The following KIAA0232 variants were observed in gnomAD, a reference collection of about 807,000 sequenced individuals.
The protein encoded by KIAA0232 is KIAA0232.
A neutral mutation model predicts 122.0 loss-of-function variants in KIAA0232; 27 were observed. That is an observed-to-expected ratio of 0.22 (90% CI 0.16 to 0.31). KIAA0232 has a LOEUF of 0.31. KIAA0232 is among the 10% of genes least tolerant of loss of function. KIAA0232 has a pLI of 1.00. For missense variants in KIAA0232, 1,551 were observed against 1,634.2 expected (o/e 0.95, Z 0.88); for synonymous variants, 613 against 587.6 (o/e 1.04, Z -0.63).
At chr4:6,865,460 C>T (rs553355188) in intron 7 of KIAA0232, among the ~76,000 whole-genome samples, 16 of 152,128 alleles carry the variant, frequency 1.1e-4, no homozygotes, top group East Asian at 1.9e-4. Flanking sequence ...CCACCACGCC[C>T]GGCTAATTAT....
At chr4:6,786,195 A>T (rs1264814830) in intron 1 of KIAA0232, among the ~76,000 whole-genome samples, 2 of 152,230 alleles carry the variant, frequency 1.3e-5, no homozygotes, top group Non-Finnish European at 2.9e-5. Context: ...TAAGTGTTTA[A>T]ATGTTTGCTA....
chr4:6,847,860 C>CT (rs1720050728), intron 4 of KIAA0232, among the ~76,000 whole-genome samples: 1 of 51,030 alleles, frequency 2.0e-5, no homozygotes, highest in Non-Finnish European at 7.6e-5. Context: ...TCATTTCCCC[C>CT]TTAAAAAAAA....
At position 6,862,590 on chromosome 4, in the gene KIAA0232, G is replaced by A; in HGVS notation, c.2208G>A (p.Gln736=). Residue 736 remains glutamine, a synonymous_variant, in exon 7 of 10, where the codon CAG becomes CAA. Coordinates refer to ENST00000307659, the MANE Select transcript of KIAA0232 (RefSeq NM_014743.3). ...ATATTCAGTTTGAAGAATCCACACA[G>A]TTTAATGCCGAAGATATTAATTATG... ...TLNIQFEEST[Q]FNAEDINYVV... is the part of the protein sequence containing the mutation. 1 of 1,613,924 alleles carries A rather than the reference G, an allele frequency of 6.2e-7. No homozygotes were observed. The highest frequency in any genetic ancestry group is 8.5e-7 in the Non-Finnish European group (1 of 1,179,974).
chr4:6,834,886 GA>G (rs1719180314), intron 3 of KIAA0232, among the ~76,000 whole-genome samples: 1 of 152,148 alleles, frequency 6.6e-6, no homozygotes, highest in Non-Finnish European at 1.5e-5. Flanking sequence ...TAGCACAAAA[GA>G]AATACTTTTA....
At chr4:6,788,577 T>C (rs1716739392) in intron 1 of KIAA0232, among the ~76,000 whole-genome samples, 1 of 152,244 alleles carries the variant, frequency 6.6e-6, no homozygotes, top group Non-Finnish European at 1.5e-5. Context: ...TGAAGGTCTT[T>C]CCTGGATTAT....
intron 3 of KIAA0232, among the ~76,000 whole-genome samples, chr4:6,836,336 G>T (rs113544005): frequency 0.064 from 8,785 of 136,204 alleles, 843 homozygotes; most frequent in African/African-American, 0.21. Flanking sequence ...TTTTTGTTTT[G>T]TTTTTTTTTT....
chr4:6,797,046 CAG>C lies in KIAA0232; in HGVS notation c.-353-7476_-353-7475del, dbSNP rs550929147. 1.6e-3 allele frequency among the ~76,000 whole-genome samples: 250 copies of C among 152,352 alleles called. 4 individuals carry two copies. Among genetic ancestry groups the C allele is most frequent in the Non-Finnish European group, 4.9e-4 (33 of 68,040 alleles). ...CTTTTTAATATGTTGGTAGCTATAA[CAG>C]TGTAGTATCAGGCAGATTGTTTTTT... On this transcript the variant is annotated intron_variant, in intron 1 of 9. Coordinates refer to ENST00000307659, the MANE Select transcript of KIAA0232 (RefSeq NM_014743.3).
intron 1 of KIAA0232, among the ~76,000 whole-genome samples, chr4:6,793,939 A>G (rs1481548641): frequency 6.6e-6 from 1 of 152,208 alleles, no homozygotes; most frequent in African/African-American, 2.4e-5. Flanking sequence ...TTCCAACTTA[A>G]AAGTTCATGT....
At chr4:6,788,637 C>G (rs1274569600) in intron 1 of KIAA0232, among the ~76,000 whole-genome samples, 2 of 152,218 alleles carry the variant, frequency 1.3e-5, no homozygotes, top group East Asian at 1.9e-4. Context: ...CTGATTTCCT[C>G]TAGTGTGCAA....
At chr4:6,836,656 A>T in intron 3 of KIAA0232, among the ~76,000 whole-genome samples, 1 of 150,644 alleles carries the variant, frequency 6.6e-6, no homozygotes. Context: ...TAAACATGTG[A>T]ACAAAGGTCT....
intron 8 of KIAA0232, among the ~76,000 whole-genome samples, chr4:6,874,880 C>T (rs1434363425): frequency 6.6e-6 from 1 of 152,122 alleles, no homozygotes; most frequent in Non-Finnish European, 1.5e-5. Context: ...TTTCCAAATA[C>T]CCTGTGGCAC....
intron 1 of KIAA0232, among the ~76,000 whole-genome samples, chr4:6,793,440 T>C (rs1233191780): frequency 6.6e-6 from 1 of 152,208 alleles, no homozygotes; most frequent in Non-Finnish European, 1.5e-5. Context: ...GGTTTGTGTT[T>C]GAAAAAGTAT....
At chr4:6,824,146 T>C (rs978075853) in intron 2 of KIAA0232, 39 bp from the exon 3 acceptor site, 18 of 466,998 alleles carry the variant, frequency 3.9e-5, no homozygotes, top group Middle Eastern at 1.1e-3. Context: ...TTATTATTTA[T>C]ATATAATGCA....
chr4:6,810,424 A>G (rs750118312), intron 2 of KIAA0232, among the ~76,000 whole-genome samples: 6 of 152,346 alleles, frequency 3.9e-5, no homozygotes, highest in East Asian at 1.9e-4. Context: ...ACAAAAAATC[A>G]ACTCAAGATG....
intron 2 of KIAA0232, among the ~76,000 whole-genome samples, chr4:6,809,459 C>T (rs1400506633): frequency 6.6e-6 from 1 of 152,086 alleles, no homozygotes; most frequent in East Asian, 1.9e-4. Flanking sequence ...AGATAATGGC[C>T]ATTTTGTCAC....
rs763909325 is a variant in KIAA0232 at position 6,861,553 on chromosome 4, A to G, written c.1171A>G (p.Arg391Gly). ...AGGAAAAGACCTGTACATGGAGAATAGAAAGGACACAGAGTATAAAGAGGA... is the reference window on the plus strand; with the variant it reads ...AGGAAAAGACCTGTACATGGAGAATGGAAAGGACACAGAGTATAAAGAGGA... The part of the protein sequence containing the change: ...TEGKDLYMEN[R>G]KDTEYKEEPL... Residue 391 changes from arginine to glycine, a missense_variant, in exon 7 of 10, where the codon AGA becomes GGA. Physicochemically the swap from Arg to Gly is moderately radical, Grantham distance 125. This residue lies in a region of KIAA0232 where 377 missense variants were observed against 381.7 expected (regional missense o/e 0.99). Transcript: ENST00000307659. The G allele has an allele frequency of 6.2e-7, 1 of 1,614,122 alleles. No individual in the cohort carries two copies.
At chr4:6,812,481 A>G (rs1717922796) in intron 2 of KIAA0232, among the ~76,000 whole-genome samples, 1 of 152,170 alleles carries the variant, frequency 6.6e-6, no homozygotes. Flanking sequence ...GTTATTATTT[A>G]ATATATAGAA....
intron 8 of KIAA0232, among the ~76,000 whole-genome samples, chr4:6,872,013 G>A (rs573672628): frequency 1.4e-4 from 21 of 152,182 alleles, no homozygotes; most frequent in South Asian, 2.1e-4. Context: ...CAGGAGGGTC[G>A]CCGCCAGGGG....
chr4:6,833,904 T>G (rs1045479032), intron 3 of KIAA0232, among the ~76,000 whole-genome samples: 6 of 152,186 alleles, frequency 3.9e-5, no homozygotes, highest in Admixed American at 1.3e-4. Context: ...CTTTCAGACC[T>G]GCAGTCTCCT....
Sources: allele counts gnomAD v4.1 joint callset (sites outside exome capture counted in the v4.1 genomes callset), GRCh38; gene constraint gnomAD v4.1.1; regional missense constraint gnomAD v4.1.1; transcripts MANE v1.5; gene names NCBI Gene and HGNC (gene_info 2026-07-23, HGNC 2026-07-21).